The following ACSS3 variants were observed in gnomAD, a reference collection of about 807,000 sequenced individuals.
ACSS3 encodes acyl-CoA synthetase short chain family member 3.
In ACSS3, 64 loss-of-function variants were observed where a neutral mutation model predicts 84.2. The ratio of observed to expected loss-of-function variants is 0.76; its 90% CI spans 0.62 to 0.94. The LOEUF (loss-of-function observed/expected upper bound fraction) is 0.94. ACSS3 is among the 40% of genes least tolerant of loss of function. The pLI is 0.00. For missense variants in ACSS3, 815 were observed against 867.6 expected, an observed-to-expected ratio of 0.94 and a Z score of 0.76; for synonymous variants, 317 against 310.1, an observed-to-expected ratio of 1.02 and a Z score of -0.23.
At chr12:81,233,568 ACCCT>A in intron 13 of ACSS3, 97 bp downstream of exon 13, 1 of 1,458,672 alleles carries the variant, frequency 6.9e-7, no homozygotes, top group South Asian at 1.3e-5. Context: ...AAATTACCAC[ACCCT>A]TCATTTGCAG....
At chr12:81,081,124 C>T (rs186803887) in intron 1 of ACSS3, among the ~76,000 whole-genome samples, 1 of 152,298 alleles carries the variant, frequency 6.6e-6, no homozygotes, top group East Asian at 1.9e-4. Context: ...CAAAAGTAAA[C>T]TCCCCTCAGA....
At chr12:81,230,372 C>G (rs1297667663) in intron 11 of ACSS3, among the ~76,000 whole-genome samples, 1 of 151,778 alleles carries the variant, frequency 6.6e-6, no homozygotes, top group Non-Finnish European at 1.5e-5. Flanking sequence ...AGGTTAAGCC[C>G]TTGCCATGCA....
chr12:81,148,092 G>A (rs1313049582), intron 5 of ACSS3, among the ~76,000 whole-genome samples: 2 of 151,456 alleles, frequency 1.3e-5, no homozygotes, highest in African/African-American at 2.4e-5. Context: ...AGGAAGTTTT[G>A]TCATGTACTC....
rs551333003 is a variant in ACSS3, at chr12:81,079,666, G to A, written c.311+1235G>A. On this transcript the variant is annotated intron_variant, in intron 1 of 15. Coordinates refer to ENST00000548058, the MANE Select transcript of ACSS3 (RefSeq NM_024560.4). The stretch of plus-strand genomic sequence containing the variant: ...TGCCAGACAGTGAACAAGACACTGG[G>A]TGTTCAACAATGAGTAAAACCTAGT... 1.4e-4 allele frequency among the ~76,000 whole-genome samples: 21 copies of A among 152,204 alleles called. No homozygotes were observed. The South Asian group carries it at 4.1e-3, about 30-fold the overall frequency.
rs2034288220 is a variant in ACSS3, at chr12:81,256,159, A to C, written c.*1237A>C. ...GTGAAGACTGCAGATCACCTGCTAT[A>C]CCTCAAGGAGCAGCGGACCCAGCAG... On this transcript the variant is annotated 3_prime_UTR_variant, in exon 16 of 16. Transcript: ENST00000548058. 1 of 152,140 alleles carries C rather than the reference A, an allele frequency of 6.6e-6. No homozygotes were observed. Among genetic ancestry groups the C allele is most frequent in the East Asian group, 1.9e-4 (1 of 5,172 alleles). The allele number at this position is 152,140 out of a possible 1,614,324, so 9.4% of individuals were successfully genotyped here.
chr12:81,248,340 T>C (rs1026694401), intron 13 of ACSS3, among the ~76,000 whole-genome samples: 3 of 152,008 alleles, frequency 2.0e-5, no homozygotes, highest in South Asian at 2.1e-4. Flanking sequence ...AAATAAAATA[T>C]GGTAAATGTG....
intron 1 of ACSS3, among the ~76,000 whole-genome samples, chr12:81,079,014 T>G (rs1039437664): frequency 6.6e-6 from 1 of 151,894 alleles, no homozygotes; most frequent in African/African-American, 2.4e-5. Context: ...GGGGAAGTGG[T>G]GAGTCAGGGG....
At chr12:81,152,662 T>A (rs994085331) in intron 7 of ACSS3, among the ~76,000 whole-genome samples, 1 of 152,194 alleles carries the variant, frequency 6.6e-6, no homozygotes, top group Non-Finnish European at 1.5e-5. Context: ...CCTATTCCAT[T>A]TAACTTTATC....
At chr12:81,106,005 G>A (rs1379481861) in intron 1 of ACSS3, among the ~76,000 whole-genome samples, 3 of 152,150 alleles carry the variant, frequency 2.0e-5, no homozygotes, top group Admixed American at 6.6e-5. Context: ...CAGTACAGCT[G>A]GAGTTGTAAA....
intron 5 of ACSS3, among the ~76,000 whole-genome samples, chr12:81,144,466 G>A (rs1390784700): frequency 2.6e-5 from 4 of 152,104 alleles, no homozygotes; most frequent in African/African-American, 9.7e-5. Context: ...CATATAATCT[G>A]CTCGACATAA....
intron 1 of ACSS3, among the ~76,000 whole-genome samples, chr12:81,101,735 C>A (rs1485823907): frequency 6.6e-6 from 1 of 152,070 alleles, no homozygotes; most frequent in Non-Finnish European, 1.5e-5. Context: ...TCTTCACTCT[C>A]ACTATAACTA....
intron 13 of ACSS3, among the ~76,000 whole-genome samples, chr12:81,248,778 C>A (rs1267396957): frequency 1.3e-5 from 2 of 151,850 alleles, no homozygotes; most frequent in African/African-American, 4.8e-5. Flanking sequence ...CTGAATTGAT[C>A]ATTACACACT....
chr12:81,177,054 A>C (rs943424929), intron 8 of ACSS3, among the ~76,000 whole-genome samples: 4 of 152,216 alleles, frequency 2.6e-5, no homozygotes, highest in African/African-American at 9.6e-5. Context: ...AAAAATAACT[A>C]AAAACAAAAG....
intron 10 of ACSS3, 137 bp from the exon 11 acceptor site, chr12:81,219,876 T>G: frequency 2.2e-6 from 1 of 452,826 alleles, no homozygotes; most frequent in East Asian, 3.8e-5. Flanking sequence ...TTAGTTTATA[T>G]TTGTTCATGG....
At chr12:81,138,985 TA>T (rs1232183724) in intron 3 of ACSS3, 145 bp from the exon 4 acceptor site, 11 of 817,156 alleles carry the variant, frequency 1.3e-5, no homozygotes, top group Non-Finnish European at 2.1e-5. Context: ...ACAAAGGGTT[TA>T]CTGGTTTTCA....
intron 2 of ACSS3, among the ~76,000 whole-genome samples, chr12:81,114,008 A>G (rs1388697502): frequency 6.6e-6 from 1 of 152,064 alleles, no homozygotes. Flanking sequence ...ATTTTAAAGT[A>G]TCTTTATTTT....
chr12:81,233,836 T>C (rs547022567), intron 13 of ACSS3, among the ~76,000 whole-genome samples: 36 of 151,726 alleles, frequency 2.4e-4, no homozygotes, highest in African/African-American at 8.4e-4. Flanking sequence ...AACATTTTAT[T>C]GTACTCTTAA....
chr12:81,159,596 C>T (rs1887051213), intron 7 of ACSS3, among the ~76,000 whole-genome samples: 3 of 152,262 alleles, frequency 2.0e-5, no homozygotes, highest in South Asian at 4.1e-4. Context: ...TTGAATGGTA[C>T]TTCTTTAGAA....
chr12:81,085,383 G>C (rs148580611), intron 1 of ACSS3, among the ~76,000 whole-genome samples: 1 of 152,196 alleles, frequency 6.6e-6, no homozygotes, highest in Non-Finnish European at 1.5e-5. Flanking sequence ...AAAGGGAAAA[G>C]ATAATGAATA....
Sources: allele counts gnomAD v4.1 joint callset (sites outside exome capture counted in the v4.1 genomes callset), GRCh38; gene constraint gnomAD v4.1.1; transcripts MANE v1.5; gene names NCBI Gene and HGNC (gene_info 2026-07-23, HGNC 2026-07-21).